The following MKNK1 variants were observed in gnomAD, a reference collection of about 807,000 sequenced individuals.
MKNK1 encodes the protein MAPK interacting serine/threonine kinase 1, also known as MAP kinase-interacting serine/threonine-protein kinase 1.
In MKNK1, 30 loss-of-function variants were observed where a neutral mutation model predicts 49.3. The ratio of observed to expected loss-of-function variants is 0.61; its 90% CI spans 0.46 to 0.83. MKNK1 has a LOEUF of 0.83. Ranked by LOEUF, MKNK1 falls within the 40% of genes least tolerant of loss-of-function variation. The probability of loss-of-function intolerance (pLI) is 0.00; values close to 1 mark genes in which losing one functional copy is unlikely to be tolerated. For missense variants in MKNK1, 423 were observed against 524.7 expected (o/e 0.81, Z 1.89); for synonymous variants, 176 against 201.7 (o/e 0.87, Z 1.08).
At chr1:46,578,827 C>G (rs989996098) in intron 4 of MKNK1, among the ~76,000 whole-genome samples, 1 of 150,524 alleles carries the variant, frequency 6.6e-6, no homozygotes, top group African/African-American at 2.4e-5. Flanking sequence ...GATCTCGGCT[C>G]ACTGTGCAAC....
At chr1:46,568,331 C>A in intron 8 of MKNK1, 112 bp downstream of exon 8, 1 of 911,036 alleles carries the variant, frequency 1.1e-6, no homozygotes, top group Non-Finnish European at 1.8e-6. Flanking sequence ...CCAAGACGAT[C>A]AGTTCAAGTT....
intron 6 of MKNK1, chr1:46,573,591 T>C (rs1245873273): frequency 2.0e-5 from 3 of 152,166 alleles, no homozygotes; most frequent in African/African-American, 7.2e-5. Flanking sequence ...ATTGTTCGCT[T>C]GCCAGATTAA....
At chr1:46,593,271 T>C (rs1357016814) in intron 2 of MKNK1, among the ~76,000 whole-genome samples, 1 of 152,194 alleles carries the variant, frequency 6.6e-6, no homozygotes, top group African/African-American at 2.4e-5. Flanking sequence ...CAATCTCGGC[T>C]CACTGCAGCC....
In MKNK1 at chr1:46,558,905, A is replaced by G. The variant is rs553255593; in HGVS notation, c.1014-105T>C. ...GCTGCTGTGGCTCTACGCTCCCACC[A>G]GATTTCCCAGAGCTGGGACGGGCTG... On this transcript the variant is annotated intron_variant, in intron 12 of 12. Coordinates refer to ENST00000371945, the MANE Select transcript of MKNK1 (RefSeq NM_001135553.4). 22 of 944,702 alleles carry G rather than the reference A, an allele frequency of 2.3e-5. 1 individual carries two copies. The South Asian group carries it at 3.5e-4, about 15-fold the overall frequency. 58.5% of individuals were successfully genotyped at this position (944,702 alleles called of 1,614,324 possible).
chr1:46,560,141 C>T, intron 12 of MKNK1, 93 bp downstream of exon 12: 1 of 1,441,424 alleles, frequency 6.9e-7, no homozygotes. Flanking sequence ...GAGAAAGCTA[C>T]CTGAGCCTAG....
intron 2 of MKNK1, among the ~76,000 whole-genome samples, chr1:46,586,969 G>A (rs1476110679): frequency 1.3e-5 from 2 of 152,094 alleles, no homozygotes; most frequent in African/African-American, 2.4e-5. Flanking sequence ...CACCATGTCC[G>A]GCTAATTTTT....
At chr1:46,558,872 TC>T in intron 12 of MKNK1, 72 bp from the exon 13 acceptor site, 1 of 1,307,284 alleles carries the variant, frequency 7.6e-7, no homozygotes, top group Non-Finnish European at 1.1e-6. Context: ...TCCGGGACAC[TC>T]CCACTTGCTG....
At chr1:46,585,888 A>G (rs1356044978) in intron 2 of MKNK1, 3 of 1,355,610 alleles carry the variant, frequency 2.2e-6, no homozygotes, top group Admixed American at 1.9e-5. Flanking sequence ...TATATTCTGC[A>G]TGGATTTCAA....
intron 8 of MKNK1, among the ~76,000 whole-genome samples, chr1:46,566,092 C>G (rs1317263430): frequency 6.6e-6 from 1 of 152,208 alleles, no homozygotes; most frequent in African/African-American, 2.4e-5. Flanking sequence ...TAAAACTTTT[C>G]CATCACTCCA....
Position 46,594,813 on chromosome 1 carries a change from G to A in MKNK1, c.-170-533C>T. ...AGTTCAAGACCAGCCTGGGCAACAT[G>A]GTGAAACCCATCCCTACAAAAATAC... is the stretch of plus-strand genomic sequence containing the variant. On this transcript the variant is annotated intron_variant, in intron 1 of 12. Transcript: ENST00000371945. 2.2e-5 allele frequency: 9 copies of A among 400,156 alleles called. 1 individual carries two copies. The highest frequency in any genetic ancestry group is 1.6e-4 in the South Asian group (9 of 55,500). 24.8% of individuals were successfully genotyped at this position (400,156 alleles called of 1,614,324 possible).
chr1:46,599,467 T>C (rs1032649666), intron 1 of MKNK1, among the ~76,000 whole-genome samples: 1 of 152,214 alleles, frequency 6.6e-6, no homozygotes, highest in Admixed American at 6.5e-5. Context: ...AATGCACTGA[T>C]TTATGGCACT....
chr1:46,572,575 A>G (rs1670360660), intron 6 of MKNK1, among the ~76,000 whole-genome samples: 1 of 152,072 alleles, frequency 6.6e-6, no homozygotes. Context: ...GTGGGGACAT[A>G]GGGATTCATC....
rs1003967113 is a variant in MKNK1 at position 46,560,295 on chromosome 1, G to C, written c.970-18C>G. 4 of 1,613,848 alleles carry C rather than the reference G, an allele frequency of 2.5e-6. No homozygotes were observed. The highest frequency in any genetic ancestry group is 1.6e-4 in the Middle Eastern group (1 of 6,084). On this transcript the variant is annotated intron_variant, in intron 11 of 12. Coordinates refer to ENST00000371945, the MANE Select transcript of MKNK1 (RefSeq NM_001135553.4). ...GGAGCTTGCTAGAATGGGAAGGACA[G>C]ATGTGTAGGTAAAGCACTGCTCCCT...
chr1:46,588,972 G>C (rs562169220), intron 2 of MKNK1, among the ~76,000 whole-genome samples: 1 of 152,366 alleles, frequency 6.6e-6, no homozygotes, highest in Non-Finnish European at 1.5e-5. Context: ...TATATGAAAT[G>C]AGGTAAGCAG....
intron 7 of MKNK1, chr1:46,569,264 G>A (rs1415161528): frequency 1.3e-5 from 2 of 152,248 alleles, no homozygotes; most frequent in African/African-American, 4.8e-5. Flanking sequence ...TCTGCACTTT[G>A]GCCAGGCCTC....
intron 2 of MKNK1, among the ~76,000 whole-genome samples, chr1:46,588,813 A>G (rs1383182263): frequency 3.3e-5 from 5 of 152,172 alleles, no homozygotes; most frequent in Non-Finnish European, 7.3e-5. Flanking sequence ...GTCTCAAAAA[A>G]AAAAAAAAAA....
intron 2 of MKNK1, among the ~76,000 whole-genome samples, chr1:46,583,895 C>T (rs932476936): frequency 6.6e-6 from 1 of 152,192 alleles, no homozygotes; most frequent in African/African-American, 2.4e-5. Flanking sequence ...TGTCCAAGAG[C>T]ACGGACTTGA....
At position 46,576,416 on chromosome 1, in the gene MKNK1, C is replaced by A. The variant is rs898568766; in HGVS notation, c.278+159G>T. On this transcript the variant is annotated intron_variant, in intron 5 of 12. Transcript: ENST00000371945. ...TCCTTTGCTGTTACTGCTGCTTTTCCTTTCTCTCCCTAACACTGAAAGGGG... is the reference window on the plus strand; with the variant it reads ...TCCTTTGCTGTTACTGCTGCTTTTCATTTCTCTCCCTAACACTGAAAGGGG... 4.9e-6 allele frequency: 3 copies of A among 607,962 alleles called. No homozygotes were observed. In the African/African-American group the frequency reaches 5.6e-5, roughly 11 times the overall value. 37.7% of individuals were successfully genotyped at this position (607,962 alleles called of 1,614,324 possible). A position where few individuals can be genotyped will look rare whatever the true frequency, so the allele number is the denominator to read the frequency against.
chr1:46,576,243 T>C (rs567739596), intron 5 of MKNK1: 67 of 285,474 alleles, frequency 2.3e-4, no homozygotes, highest in African/African-American at 1.4e-3. Context: ...TAAAGATTTC[T>C]ACCAGGCAAC....
Sources: allele counts gnomAD v4.1 joint callset (sites outside exome capture counted in the v4.1 genomes callset), GRCh38; gene constraint gnomAD v4.1.1; transcripts MANE v1.5; gene names NCBI Gene and HGNC (gene_info 2026-07-23, HGNC 2026-07-21).